Variants in DPP10 observed in about 807,000 individuals in gnomAD.
DPP10 encodes the protein inactive dipeptidyl peptidase 10.
Under a neutral mutation model 120.9 loss-of-function variants are expected in DPP10, and 33 were observed. The ratio of observed to expected loss-of-function variants is 0.27; its 90% confidence interval spans 0.21 to 0.37. The LOEUF is 0.37. Among genes scored for constraint, DPP10 ranks in the 10% least tolerant of loss-of-function variants. The probability of loss-of-function intolerance (pLI) is 1.00; values close to 1 mark genes in which losing one functional copy is unlikely to be tolerated. For synonymous variants in DPP10, 337 were observed against 326.1 expected (o/e 1.03, Z -0.36); for missense variants, 816 against 942.8 (o/e 0.87, Z 1.76).
chr2:115,431,313 G>A (rs942313160), intron 3 of DPP10, among the ~76,000 whole-genome samples: 17 of 152,158 alleles, frequency 1.1e-4, no homozygotes, highest in African/African-American at 2.4e-4. Context: ...ATCGGTTTGA[G>A]TAACAAGGAG....
At chr2:115,332,295 C>T (rs116315715) in intron 2 of DPP10, among the ~76,000 whole-genome samples, 2,385 of 151,696 alleles carry the variant, frequency 0.016, 59 homozygotes, top group African/African-American at 0.054. Context: ...TTTTATTGTG[C>T]GTATTTTATT....
chr2:115,047,367 T>C (rs747549965), intron 1 of DPP10, among the ~76,000 whole-genome samples: 7 of 152,040 alleles, frequency 4.6e-5, no homozygotes, highest in Non-Finnish European at 1.0e-4. Flanking sequence ...TAAATGTTAA[T>C]TAAATTTTGA....
chr2:114,442,980 C>T, intron 1 of DPP10, 142 bp downstream of exon 1: 1 of 1,025,614 alleles, frequency 9.8e-7, no homozygotes, highest in Non-Finnish European at 1.5e-6. Context: ...CACAATAAAG[C>T]ATTTGGCTCT....
chr2:115,649,670 A>C (rs1238965160), intron 5 of DPP10, among the ~76,000 whole-genome samples: 1 of 152,150 alleles, frequency 6.6e-6, no homozygotes, highest in Non-Finnish European at 1.5e-5. Flanking sequence ...TCTATTACCA[A>C]GTGGATTTTA....
At chr2:115,367,293 A>G (rs1376104866) in intron 3 of DPP10, among the ~76,000 whole-genome samples, 1 of 152,010 alleles carries the variant, frequency 6.6e-6, no homozygotes, top group Non-Finnish European at 1.5e-5. Flanking sequence ...TTTTGGCAAC[A>G]TAGCCTGGTG....
At chr2:115,097,366 G>T (rs1005065775) in intron 1 of DPP10, among the ~76,000 whole-genome samples, 20 of 152,076 alleles carry the variant, frequency 1.3e-4, no homozygotes, top group African/African-American at 4.8e-4. Flanking sequence ...GAAGATCTTT[G>T]CTGGAATGCT....
intron 1 of DPP10, among the ~76,000 whole-genome samples, chr2:114,456,545 T>A (rs147357355): frequency 6.6e-6 from 1 of 152,356 alleles, no homozygotes; most frequent in African/African-American, 2.4e-5. Flanking sequence ...ACCACAGTCC[T>A]ATAAGACACA....
intron 1 of DPP10, among the ~76,000 whole-genome samples, chr2:114,840,712 A>C (rs1027694968): frequency 2.0e-5 from 3 of 152,184 alleles, no homozygotes; most frequent in African/African-American, 7.2e-5. Context: ...ATTTGATTCC[A>C]GAAGTCACAG....
chr2:115,451,270 A>T (rs1445372253), intron 3 of DPP10, among the ~76,000 whole-genome samples: 3 of 151,962 alleles, frequency 2.0e-5, no homozygotes, highest in African/African-American at 4.8e-5. Flanking sequence ...TTAGAACTAG[A>T]TGTGAAAGGT....
At chr2:114,700,461 C>T (rs1000376427) in intron 1 of DPP10, among the ~76,000 whole-genome samples, 6 of 152,068 alleles carry the variant, frequency 3.9e-5, no homozygotes, top group African/African-American at 1.4e-4. Flanking sequence ...TGAAAGAAAT[C>T]GGTGATCCTA....
chr2:115,352,746 G>A (rs781274455), intron 3 of DPP10, among the ~76,000 whole-genome samples: 1 of 152,086 alleles, frequency 6.6e-6, no homozygotes, highest in Non-Finnish European at 1.5e-5. Flanking sequence ...TCAAAAGGCT[G>A]TGAATGGGAC....
chr2:114,754,709 C>T (rs900269839), intron 1 of DPP10, among the ~76,000 whole-genome samples: 4 of 152,166 alleles, frequency 2.6e-5, no homozygotes, highest in Non-Finnish European at 4.4e-5. Flanking sequence ...GTGGCCAAGG[C>T]AGCCTGTTCA....
intron 1 of DPP10, among the ~76,000 whole-genome samples, chr2:115,279,649 C>T (rs373086230): frequency 6.3e-3 from 310 of 49,312 alleles, no homozygotes; most frequent in Middle Eastern, 0.042. Context: ...TTCTTTTTTT[C>T]TTCTTCTTTT....
intron 1 of DPP10, among the ~76,000 whole-genome samples, chr2:115,017,943 G>A (rs1702778557): frequency 6.6e-6 from 1 of 151,538 alleles, no homozygotes; most frequent in African/African-American, 2.4e-5. Context: ...CATGGCACAT[G>A]TATACATATA....
chr2:115,108,795 A>T (rs2049072188), intron 1 of DPP10, among the ~76,000 whole-genome samples: 1 of 152,214 alleles, frequency 6.6e-6, no homozygotes, highest in South Asian at 2.1e-4. Flanking sequence ...TGGTCCAAAA[A>T]TCTCACTGAC....
At chr2:115,647,883 G>T (rs543690823) in intron 5 of DPP10, among the ~76,000 whole-genome samples, 1 of 152,132 alleles carries the variant, frequency 6.6e-6, no homozygotes, top group Admixed American at 6.6e-5. Flanking sequence ...TAATGCTACC[G>T]CATTGAAAAC....
chr2:114,564,592 T>C (rs1240827260), intron 1 of DPP10, among the ~76,000 whole-genome samples: 1 of 152,232 alleles, frequency 6.6e-6, no homozygotes, highest in African/African-American at 2.4e-5. Flanking sequence ...GAAAAGGTTT[T>C]TTCTCTGAAG....
chr2:114,675,539 T>C (rs1698611589), intron 1 of DPP10, among the ~76,000 whole-genome samples: 1 of 152,122 alleles, frequency 6.6e-6, no homozygotes, highest in Non-Finnish European at 1.5e-5. Context: ...ATGTAAGTGT[T>C]TACATTTCAC....
At chr2:115,591,562 G>A (rs769378170) in intron 5 of DPP10, among the ~76,000 whole-genome samples, 3 of 152,148 alleles carry the variant, frequency 2.0e-5, no homozygotes, top group Non-Finnish European at 4.4e-5. Flanking sequence ...CTGTAGCCTT[G>A]TAGTATAGTT....
Sources: gnomAD v4.1 joint callset for allele counts (sites outside exome capture counted in the v4.1 genomes callset) on GRCh38, gnomAD v4.1.1 for gene constraint, MANE v1.5 for transcripts, NCBI Gene and HGNC (gene_info 2026-07-23, HGNC 2026-07-21) for gene names.